The following LRGUK variants were observed in gnomAD, a reference collection of about 807,000 sequenced individuals.
LRGUK encodes leucine rich repeats and guanylate kinase domain containing.
LRGUK carries 65 observed loss-of-function variants against 76.0 expected under a neutral mutation model. The ratio of observed to expected loss-of-function variants is 0.85; its 90% CI spans 0.70 to 1.05. LRGUK has a LOEUF of 1.05. Among genes scored for constraint, LRGUK ranks in the 50% least tolerant of loss-of-function variants. The pLI, the probability that LRGUK is intolerant of heterozygous loss-of-function variation, is 0.00. For synonymous variants in LRGUK, 268 were observed against 265.6 expected, an observed-to-expected ratio of 1.01 and a Z score of -0.09; for missense variants, 758 against 732.8, an observed-to-expected ratio of 1.03 and a Z score of -0.40.
chr7:134,209,302 C>T, exon 16 of LRGUK: 2 of 399,416 alleles, frequency 5.0e-6, no homozygotes, highest in Non-Finnish European at 8.8e-6. Flanking sequence ...TTGAGTCAGA[C>T]AAACTTCCAC....
chr7:134,213,422 G>T (rs1198753668), downstream of LRGUK, among the ~76,000 whole-genome samples: 2 of 152,164 alleles, frequency 1.3e-5, no homozygotes, highest in Non-Finnish European at 2.9e-5. Flanking sequence ...GTGGGAGAGG[G>T]TAGATTGTGC....
chr7:134,135,644 C>G (rs142990850), intron 1 of LRGUK, among the ~76,000 whole-genome samples: 5 of 152,128 alleles, frequency 3.3e-5, no homozygotes, highest in African/African-American at 1.2e-4. Flanking sequence ...CCATGCCTGC[C>G]CAATTCTGAA....
chr7:134,241,672 C>T (rs1802156867), intron 16 of LRGUK, among the ~76,000 whole-genome samples: 1 of 152,060 alleles, frequency 6.6e-6, no homozygotes, highest in Non-Finnish European at 1.5e-5. Context: ...CAGGGATATC[C>T]AGGAATTGAA....
exon 20 of LRGUK, chr7:134,263,971 G>C (rs139686578): frequency 2.5e-6 from 4 of 1,608,650 alleles, no homozygotes; most frequent in Admixed American, 1.7e-5. Flanking sequence ...CAGGGCCGCA[G>C]GTAGACTAGC....
intron 6 of LRGUK, among the ~76,000 whole-genome samples, chr7:134,161,389 T>A (rs1798724762): frequency 6.6e-6 from 1 of 152,124 alleles, no homozygotes; most frequent in South Asian, 2.1e-4. Flanking sequence ...AATTTGACTT[T>A]ACTTTGGCAA....
chr7:134,134,874 T>C (rs1797460728), intron 1 of LRGUK, among the ~76,000 whole-genome samples: 1 of 152,234 alleles, frequency 6.6e-6, no homozygotes, highest in African/African-American at 2.4e-5. Context: ...TCGTCATCTA[T>C]TGGGAACACT....
intron 16 of LRGUK, among the ~76,000 whole-genome samples, chr7:134,225,180 C>T (rs17167647): frequency 0.039 from 5,718 of 148,512 alleles, 246 homozygotes; most frequent in East Asian, 0.15. Context: ...GTGATTCAGC[C>T]GTAACATTTT....
intron 18 of LRGUK, among the ~76,000 whole-genome samples, chr7:134,257,879 C>G (rs1453033348): frequency 2.0e-5 from 3 of 152,076 alleles, no homozygotes; most frequent in Non-Finnish European, 4.4e-5. Context: ...GATCAGGCCA[C>G]CTACCATGGT....
intron 3 of LRGUK, among the ~76,000 whole-genome samples, chr7:134,140,272 A>G (rs543476189): frequency 6.6e-6 from 1 of 152,280 alleles, no homozygotes; most frequent in Admixed American, 6.5e-5. Context: ...GCCCGGGCCT[A>G]CATTTTGCAT....
chr7:134,169,592 T>C (rs1799161116), intron 7 of LRGUK, among the ~76,000 whole-genome samples: 1 of 152,156 alleles, frequency 6.6e-6, no homozygotes, highest in Admixed American at 6.5e-5. Context: ...TATTCTTATA[T>C]ATTTTCTTAT....
intron 19 of LRGUK, among the ~76,000 whole-genome samples, chr7:134,258,945 C>T (rs1802652797): frequency 6.6e-6 from 1 of 152,114 alleles, no homozygotes; most frequent in South Asian, 2.1e-4. Flanking sequence ...TGAGTAGAAG[C>T]TGCTGCACTG....
chr7:134,174,751 A>G, intron 8 of LRGUK, 115 bp downstream of exon 8: 1 of 701,228 alleles, frequency 1.4e-6, no homozygotes. Flanking sequence ...AGGAATGTGA[A>G]TAGAGTTTGT....
chr7:134,150,492 A>AG (rs759056833), intron 5 of LRGUK, among the ~76,000 whole-genome samples: 3 of 151,354 alleles, frequency 2.0e-5, no homozygotes, highest in East Asian at 1.9e-4. Context: ...AAAAAAAAAA[A>AG]AAAGAAAAAG....
chr7:134,188,138 C>T (rs1005807692), intron 11 of LRGUK, among the ~76,000 whole-genome samples: 4 of 152,180 alleles, frequency 2.6e-5, no homozygotes, highest in African/African-American at 9.7e-5. Context: ...CATGGTTCTT[C>T]TCCTCCTGGC....
chr7:134,135,812 C>A (rs1250100173), intron 1 of LRGUK, among the ~76,000 whole-genome samples: 1 of 152,226 alleles, frequency 6.6e-6, no homozygotes. Flanking sequence ...CCCGCCACCA[C>A]ATCCGGCTAA....
chr7:134,239,977 C>A (rs552591366), intron 16 of LRGUK, among the ~76,000 whole-genome samples: 6 of 152,222 alleles, frequency 3.9e-5, no homozygotes, highest in Non-Finnish European at 7.3e-5. Flanking sequence ...GACAGACCTG[C>A]AGCTGAGGGT....
At chr7:134,145,260 T>C (rs188964995) in intron 4 of LRGUK, among the ~76,000 whole-genome samples, 14 of 152,174 alleles carry the variant, frequency 9.2e-5, no homozygotes, top group South Asian at 2.1e-4. Context: ...CTTTTCTTTT[T>C]TTTTAAGATG....
chr7:134,269,294 T>G (rs906610792), downstream of LRGUK, among the ~76,000 whole-genome samples: 1 of 152,090 alleles, frequency 6.6e-6, no homozygotes, highest in Non-Finnish European at 1.5e-5. Context: ...GTTGTTAATT[T>G]CTAGTTTGAT....
intron 11 of LRGUK, 52 bp downstream of exon 11, chr7:134,183,905 GA>G: frequency 6.2e-7 from 1 of 1,602,576 alleles, no homozygotes; most frequent in Non-Finnish European, 8.5e-7. Flanking sequence ...CGAATTATTG[GA>G]GGTATCAATA....
Sources: gnomAD v4.1 joint callset for allele counts (sites outside exome capture counted in the v4.1 genomes callset) on GRCh38, gnomAD v4.1.1 for gene constraint, MANE v1.5 for transcripts, NCBI Gene and HGNC (gene_info 2026-07-23, HGNC 2026-07-21) for gene names.